ZZEF1: variants seen among roughly 807,000 people sequenced by gnomAD.
The protein encoded by ZZEF1 is zinc finger ZZ-type and EF-hand domain-containing protein 1.
In ZZEF1, 157 loss-of-function variants were observed where a neutral mutation model predicts 342.8. The observed-to-expected ratio is 0.46, with a 90% CI of 0.40 to 0.52. ZZEF1 has a LOEUF of 0.52. ZZEF1 is among the 20% of genes least tolerant of loss of function. The pLI, the probability that ZZEF1 is intolerant of heterozygous loss-of-function variation, is 0.00. For synonymous variants in ZZEF1, 1,505 were observed against 1,429.1 expected, an observed-to-expected ratio of 1.05 and a Z score of -1.20; for missense variants, 3,480 against 3,725.6, an observed-to-expected ratio of 0.93 and a Z score of 1.72.
At position 4,017,331 on chromosome 17, in the gene ZZEF1, GAA is replaced by G. The variant is rs898145630; in HGVS notation, c.8001+38_8001+39del. 10 of 1,546,588 alleles carry G rather than the reference GAA, an allele frequency of 6.5e-6. No individual in the cohort carries two copies. The African/African-American group carries it at 1.3e-4, about 21-fold the overall frequency. On this transcript the variant is annotated intron_variant, in intron 48 of 54. Transcript: ENST00000381638. The surrounding 1 kb of genome is among the most constrained non-coding windows in gnomAD (Gnocchi z 5.1). ...GGAGGAAGCCTGTGGGGCAGAGGAA[GAA>G]CCTGGTGGGTGAGCACAAGCTCAGT... is the stretch of plus-strand genomic sequence containing the variant.
chr17:4,127,383 A>C (rs2145568682), intron 1 of ZZEF1, among the ~76,000 whole-genome samples: 3 of 152,314 alleles, frequency 2.0e-5, no homozygotes, highest in Middle Eastern at 6.8e-3. Context: ...TGTGTTTTTT[A>C]AAGTGTTATT....
intron 24 of ZZEF1, among the ~76,000 whole-genome samples, chr17:4,073,289 T>C (rs1292101552): frequency 6.6e-6 from 1 of 152,236 alleles, no homozygotes; most frequent in African/African-American, 2.4e-5. Context: ...TTTGTTTTTT[T>C]CCACTATGTA....
At chr17:4,105,597 G>A in intron 7 of ZZEF1, 96 bp downstream of exon 7, 1 of 967,390 alleles carries the variant, frequency 1.0e-6, no homozygotes, top group Non-Finnish European at 1.6e-6. Flanking sequence ...TTTTAGTGGT[G>A]ATCGTTAAAA....
chr17:4,031,598 G>A (rs1001643841), intron 42 of ZZEF1, among the ~76,000 whole-genome samples: 1 of 152,188 alleles, frequency 6.6e-6, no homozygotes, highest in Non-Finnish European at 1.5e-5. Context: ...TGCTGATGCT[G>A]AGTGAAAATG....
At chr17:4,010,047 C>T (rs1198480029) in intron 52 of ZZEF1, among the ~76,000 whole-genome samples, 1 of 152,072 alleles carries the variant, frequency 6.6e-6, no homozygotes, top group Non-Finnish European at 1.5e-5. Flanking sequence ...TTACGGGCTA[C>T]ACATGGTGGC....
chr17:4,130,007 A>T (rs75830769), intron 1 of ZZEF1, among the ~76,000 whole-genome samples: 1 of 152,082 alleles, frequency 6.6e-6, no homozygotes, highest in Non-Finnish European at 1.5e-5. Flanking sequence ...CCTGGGGCCT[A>T]CCTAAGGTGG....
At chr17:4,029,961 TA>T (rs2145039138) in intron 42 of ZZEF1, among the ~76,000 whole-genome samples, 1 of 138,640 alleles carries the variant, frequency 7.2e-6, no homozygotes, top group South Asian at 2.2e-4. Flanking sequence ...TTTGGGAGGC[TA>T]AGGCAGGAGG....
At chr17:4,084,188 C>T (rs893892135) in intron 16 of ZZEF1, among the ~76,000 whole-genome samples, 1 of 152,156 alleles carries the variant, frequency 6.6e-6, no homozygotes, top group Non-Finnish European at 1.5e-5. Flanking sequence ...TACATGCCCT[C>T]TACCAGATTG....
chr17:4,068,450 C>T (rs2057445557), intron 26 of ZZEF1, among the ~76,000 whole-genome samples: 1 of 152,138 alleles, frequency 6.6e-6, no homozygotes, highest in African/African-American at 2.4e-5. Flanking sequence ...CCACACCTGG[C>T]AAATTTTTGT....
intron 29 of ZZEF1, among the ~76,000 whole-genome samples, chr17:4,064,016 C>T (rs951438722): frequency 6.6e-6 from 1 of 151,910 alleles, no homozygotes; most frequent in African/African-American, 2.4e-5. Flanking sequence ...GCGTGAGCCA[C>T]CGCACCCAGC....
chr17:4,122,349 A>C (rs978098005), intron 2 of ZZEF1, among the ~76,000 whole-genome samples: 5 of 152,190 alleles, frequency 3.3e-5, no homozygotes, highest in South Asian at 2.1e-4. Flanking sequence ...GCTCCCCCCC[A>C]AAAAAATACA....
chr17:4,032,398 T>C, intron 41 of ZZEF1, 140 bp from the exon 42 acceptor site: 1 of 952,106 alleles, frequency 1.1e-6, no homozygotes, highest in Non-Finnish European at 1.5e-6. Context: ...CATCTCTAAG[T>C]CCAAAGAGTC....
At position 4,056,206 on chromosome 17, in the gene ZZEF1, G is replaced by C. The variant is rs1197461074; in HGVS notation, c.5295+10C>G. On this transcript the variant is annotated intron_variant, in intron 33 of 54. Transcript: ENST00000381638. ...AATCACTTCAGAGTACTCTAGTTGA[G>C]AGGTCTTACTTTCCTCTGCTTCTCT... is the stretch of plus-strand genomic sequence containing the variant. 6.4e-7 allele frequency: 1 copy of C among 1,570,674 alleles called. No individual in the cohort carries two copies. The highest frequency in any genetic ancestry group is 1.4e-5 in the African/African-American group (1 of 73,494).
chr17:4,116,727 G>T (rs777171273), intron 3 of ZZEF1, among the ~76,000 whole-genome samples: 2 of 152,158 alleles, frequency 1.3e-5, no homozygotes, highest in Non-Finnish European at 2.9e-5. Flanking sequence ...GGGTAGGGGA[G>T]GTGTTAATTA....
At chr17:4,123,787 G>A in intron 2 of ZZEF1, 120 bp downstream of exon 2, 2 of 1,108,986 alleles carry the variant, frequency 1.8e-6, no homozygotes, top group Non-Finnish European at 2.5e-6. Context: ...TTCAGATCGG[G>A]AGCCTAATGA....
At chr17:4,093,865 C>T (rs1214563044) in intron 11 of ZZEF1, among the ~76,000 whole-genome samples, 1 of 152,052 alleles carries the variant, frequency 6.6e-6, no homozygotes, top group African/African-American at 2.4e-5. Context: ...TAACCTTATC[C>T]AAGGGGGCAC....
chr17:4,022,201 C>A (rs1597771330), intron 44 of ZZEF1, among the ~76,000 whole-genome samples: 1 of 152,158 alleles, frequency 6.6e-6, no homozygotes, highest in East Asian at 1.9e-4. Flanking sequence ...CCGCTCACTC[C>A]CTCCTACATG....
chr17:4,067,512 T>G (rs1489876614), intron 26 of ZZEF1, among the ~76,000 whole-genome samples: 1 of 152,158 alleles, frequency 6.6e-6, no homozygotes, highest in Non-Finnish European at 1.5e-5. Flanking sequence ...TATTAAAAGA[T>G]ATAAAAATAC....
chr17:4,007,232 T>C (rs1423047217), intron 54 of ZZEF1, among the ~76,000 whole-genome samples: 6 of 152,152 alleles, frequency 3.9e-5, no homozygotes, highest in Admixed American at 3.9e-4. Flanking sequence ...TCTGCAGAGG[T>C]CTGGGAAAAC....
Sources: allele counts gnomAD v4.1 joint callset (sites outside exome capture counted in the v4.1 genomes callset), GRCh38; gene constraint gnomAD v4.1.1; non-coding constraint Gnocchi (gnomAD v3.1); transcripts MANE v1.5; gene names NCBI Gene and HGNC (gene_info 2026-07-23, HGNC 2026-07-21).